The following CTNNA3 variants were observed in gnomAD, a reference collection of about 807,000 sequenced individuals.
The protein encoded by CTNNA3 is catenin alpha 3.
Under a neutral mutation model 95.7 loss-of-function variants are expected in CTNNA3, and 76 were observed. The observed-to-expected ratio is 0.79, with a 90% CI of 0.66 to 0.96. CTNNA3 has a LOEUF of 0.96. Ranked by LOEUF, CTNNA3 falls within the 40% of genes least tolerant of loss-of-function variation. CTNNA3 has a pLI of 0.00. For synonymous variants in CTNNA3, 431 were observed against 374.4 expected, an observed-to-expected ratio of 1.15 and a Z score of -1.74; for missense variants, 1,191 against 1,089.8, an observed-to-expected ratio of 1.09 and a Z score of -1.31.
intron 7 of CTNNA3, among the ~76,000 whole-genome samples, chr10:67,162,332 A>G (rs1861587224): frequency 6.6e-6 from 1 of 152,002 alleles, no homozygotes; most frequent in Non-Finnish European, 1.5e-5. Flanking sequence ...AAGGGTAAAT[A>G]CATATTATTT....
chr10:66,696,084 G>A (rs1355738143), intron 9 of CTNNA3, among the ~76,000 whole-genome samples: 1 of 152,020 alleles, frequency 6.6e-6, no homozygotes, highest in Admixed American at 6.6e-5. Context: ...ATTACTAACA[G>A]GTATGCAACA....
At chr10:67,713,003 A>G (rs1206826719) in intron 1 of CTNNA3, among the ~76,000 whole-genome samples, 2 of 152,226 alleles carry the variant, frequency 1.3e-5, no homozygotes, top group Non-Finnish European at 2.9e-5. Context: ...GGCAACCTAC[A>G]GAATAGGAGA....
rs75362934 is a variant in CTNNA3, at chr10:67,029,614, G to A, written c.1047+150703C>T. Among the ~76,000 whole-genome samples the A allele has an allele frequency of 0.01, 1,544 of 152,286 alleles. 63 individuals carry two copies. The East Asian group carries it at 0.14, about 14-fold the overall frequency. ...TAAAACTTACGTAGGTTACAAAAGA[G>A]AGGTTTGGGATGGCTTTTTCTCATT... On this transcript the variant is annotated intron_variant, in intron 7 of 17. Coordinates refer to ENST00000433211, the MANE Select transcript of CTNNA3 (RefSeq NM_013266.4).
chr10:67,642,920 T>G (rs1839585150), intron 2 of CTNNA3, among the ~76,000 whole-genome samples: 1 of 151,266 alleles, frequency 6.6e-6, no homozygotes, highest in Non-Finnish European at 1.5e-5. Context: ...TGGCGATTTC[T>G]CAAAGACCTA....
chr10:67,335,340 A>C lies in CTNNA3; in HGVS notation c.580-115470T>G, dbSNP rs529574757. Reference sequence around the variant, plus strand: ...CCAGCCACCCACAACCCTGAACAGGAATAAGCAGGTTGGAAAATGAATGAA... The same window carrying C: ...CCAGCCACCCACAACCCTGAACAGGCATAAGCAGGTTGGAAAATGAATGAA... On this transcript the variant is annotated intron_variant, in intron 5 of 17. Transcript: ENST00000433211. 2.4e-3 allele frequency among the ~76,000 whole-genome samples: 372 copies of C among 152,344 alleles called. 2 individuals carry two copies. The highest frequency in any genetic ancestry group is 4.5e-3 in the Non-Finnish European group (307 of 68,028).
chr10:66,232,886 G>A (rs1040652362), intron 13 of CTNNA3, among the ~76,000 whole-genome samples: 7 of 152,122 alleles, frequency 4.6e-5, no homozygotes, highest in East Asian at 3.9e-4. Context: ...GGCCAGGCGC[G>A]GTGGCTCACG....
At chr10:66,848,631 C>T (rs1375991652) in intron 7 of CTNNA3, among the ~76,000 whole-genome samples, 1 of 152,092 alleles carries the variant, frequency 6.6e-6, no homozygotes, top group Non-Finnish European at 1.5e-5. Context: ...TGAGCTTATA[C>T]AGAATTCACA....
intron 7 of CTNNA3, among the ~76,000 whole-genome samples, chr10:67,120,717 T>G (rs149874029): frequency 2.2e-3 from 332 of 152,142 alleles, no homozygotes; most frequent in African/African-American, 7.5e-3. Flanking sequence ...TATTGCCCAT[T>G]TTCTTGATGA....
intron 11 of CTNNA3, among the ~76,000 whole-genome samples, chr10:66,399,445 C>T (rs1265445853): frequency 6.6e-6 from 1 of 151,880 alleles, no homozygotes; most frequent in African/African-American, 2.4e-5. Flanking sequence ...TTGACTTTGA[C>T]AGTCAAGAGT....
chr10:67,051,320 CTA>C (rs1440889702), intron 7 of CTNNA3, among the ~76,000 whole-genome samples: 9 of 152,122 alleles, frequency 5.9e-5, no homozygotes, highest in Non-Finnish European at 1.3e-4. Context: ...CAATTGTACT[CTA>C]TGTCTTATCT....
intron 11 of CTNNA3, among the ~76,000 whole-genome samples, chr10:66,430,569 A>AACAG (rs1308101959): frequency 6.6e-6 from 1 of 152,218 alleles, no homozygotes; most frequent in African/African-American, 2.4e-5. Context: ...AGACCAATGG[A>AACAG]ACAGAACAGA....
At chr10:66,439,420 C>G (rs2093360929) in intron 11 of CTNNA3, among the ~76,000 whole-genome samples, 1 of 151,960 alleles carries the variant, frequency 6.6e-6, no homozygotes, top group Admixed American at 6.6e-5. Context: ...ATTTTAATCA[C>G]AAATTTTGTA....
intron 2 of CTNNA3, among the ~76,000 whole-genome samples, chr10:67,641,886 A>G (rs1235941342): frequency 6.6e-6 from 1 of 152,200 alleles, no homozygotes; most frequent in African/African-American, 2.4e-5. Context: ...GAGTGATAGC[A>G]TTAGGAGGTA....
chr10:67,539,289 T>A (rs917374954), intron 4 of CTNNA3, among the ~76,000 whole-genome samples: 1 of 152,178 alleles, frequency 6.6e-6, no homozygotes, highest in Non-Finnish European at 1.5e-5. Context: ...AAGCAAGCCA[T>A]CTCCTGTTTA....
chr10:67,604,013 G>A (rs951988255), intron 3 of CTNNA3, among the ~76,000 whole-genome samples: 1 of 152,088 alleles, frequency 6.6e-6, no homozygotes, highest in African/African-American at 2.4e-5. Flanking sequence ...TCTATGTTTA[G>A]ATATACAAAT....
intron 1 of CTNNA3, among the ~76,000 whole-genome samples, chr10:67,677,441 T>C (rs966450029): frequency 3.9e-5 from 6 of 152,170 alleles, no homozygotes; most frequent in Non-Finnish European, 1.5e-5. Flanking sequence ...TTACTAAATC[T>C]GGCCACTTTA....
At chr10:67,005,123 C>CT (rs1269802548) in intron 7 of CTNNA3, among the ~76,000 whole-genome samples, 1 of 152,060 alleles carries the variant, frequency 6.6e-6, no homozygotes, top group Non-Finnish European at 1.5e-5. Context: ...GAGAGAAATG[C>CT]TTTTTTACCT....
chr10:67,317,584 C>T (rs1841113348), intron 5 of CTNNA3, among the ~76,000 whole-genome samples: 1 of 152,098 alleles, frequency 6.6e-6, no homozygotes, highest in Admixed American at 6.6e-5. Flanking sequence ...CATCACCATG[C>T]CCGGCTAATT....
intron 7 of CTNNA3, chr10:67,055,163 C>G (rs1319223872): frequency 6.6e-6 from 1 of 152,158 alleles, no homozygotes; most frequent in Admixed American, 6.5e-5. Flanking sequence ...ATCTTTGAGA[C>G]AGCTGCATAG....
Sources: gnomAD v4.1 joint callset for allele counts (sites outside exome capture counted in the v4.1 genomes callset) on GRCh38, gnomAD v4.1.1 for gene constraint, MANE v1.5 for transcripts, NCBI Gene and HGNC (gene_info 2026-07-23, HGNC 2026-07-21) for gene names.